BTBD1: variants seen among roughly 807,000 people sequenced by gnomAD.
The protein encoded by BTBD1 is BTB/POZ domain-containing protein 1.
Under a neutral mutation model 48.0 loss-of-function variants are expected in BTBD1, and 34 were observed. The ratio of observed to expected loss-of-function variants is 0.71; its 90% CI spans 0.54 to 0.94. The LOEUF is 0.94. Among genes scored for constraint, BTBD1 ranks in the 40% least tolerant of loss-of-function variants. The pLI, the probability that BTBD1 is intolerant of heterozygous loss-of-function variation, is 0.00. For missense variants in BTBD1, 543 were observed against 625.6 expected (o/e 0.87, Z 1.41); for synonymous variants, 261 against 242.1 (o/e 1.08, Z -0.72).
intron 5 of BTBD1, among the ~76,000 whole-genome samples, chr15:83,023,804 G>T (rs921769135): frequency 2.6e-5 from 4 of 152,090 alleles, no homozygotes; most frequent in African/African-American, 9.7e-5. Flanking sequence ...TATCAACCAG[G>T]AATATTTTTC....
At chr15:83,018,335 T>C (rs1299811419) in intron 7 of BTBD1, 110 bp from the exon 8 acceptor site, 11 of 922,578 alleles carry the variant, frequency 1.2e-5, no homozygotes, top group Non-Finnish European at 1.7e-5. Flanking sequence ...CATTCCTATA[T>C]AAAATTTTAT....
chr15:83,016,436 T>C lies in BTBD1; in HGVS notation c.*1631A>G, dbSNP rs930674413. 6.6e-6 allele frequency: 1 copy of C among 151,184 alleles called. No homozygotes were observed. The highest frequency in any genetic ancestry group is 2.4e-5 in the African/African-American group (1 of 41,272). 9.4% of individuals were successfully genotyped at this position (151,184 alleles called of 1,614,324 possible). ...GACATAAAAGAGTTTTTTTTATATA[T>C]ATATATATTTATTTATTTTTAAAAA... On this transcript the variant is annotated 3_prime_UTR_variant, in exon 8 of 8. Coordinates refer to ENST00000261721, the MANE Select transcript of BTBD1 (RefSeq NM_025238.4).
At chr15:83,055,485 T>C (rs1221478550) in intron 2 of BTBD1, among the ~76,000 whole-genome samples, 1 of 152,162 alleles carries the variant, frequency 6.6e-6, no homozygotes, top group Non-Finnish European at 1.5e-5. Flanking sequence ...CTCTAACTAT[T>C]GGCCTCAAGT....
rs1488827591 is a variant in BTBD1, at chr15:83,066,904, G to T, written c.248C>A (p.Ala83Asp). The T allele has an allele frequency of 2.0e-6, 3 of 1,518,322 alleles. No homozygotes were observed. The highest frequency in any genetic ancestry group is 2.6e-6 in the Non-Finnish European group (3 of 1,138,368). 94.1% of individuals were successfully genotyped at this position (1,518,322 alleles called of 1,614,324 possible). A position where few individuals can be genotyped will look rare whatever the true frequency, so the allele number is the denominator to read the frequency against. Residue 83 changes from alanine to aspartate, a missense_variant, in exon 1 of 8, where the codon GCC becomes GAC. By Grantham distance (126) the Ala-to-Asp change is moderately radical. Transcript: ENST00000261721. ...FVLGKGRGAA[A>D]AGGPQRIPAH... Reference sequence around the variant, plus strand: ...GGGGATGCGCTGCGGGCCCCCAGCGGCGGCGGCGCCGCGACCCTTGCCCAG... The same window carrying T: ...GGGGATGCGCTGCGGGCCCCCAGCGTCGGCGGCGCCGCGACCCTTGCCCAG...
At chr15:83,055,071 A>AT (rs2033060149) in intron 2 of BTBD1, among the ~76,000 whole-genome samples, 1 of 152,196 alleles carries the variant, frequency 6.6e-6, no homozygotes, top group African/African-American at 2.4e-5. Flanking sequence ...TCACCTTAGA[A>AT]TTTTAAAAAC....
intron 5 of BTBD1, among the ~76,000 whole-genome samples, chr15:83,025,608 C>T (rs975719983): frequency 2.0e-5 from 3 of 151,910 alleles, no homozygotes; most frequent in African/African-American, 4.8e-5. Flanking sequence ...CACAATACTA[C>T]AGTAATATTC....
intron 5 of BTBD1, among the ~76,000 whole-genome samples, chr15:83,021,125 A>C (rs904311311): frequency 6.6e-6 from 1 of 152,256 alleles, no homozygotes; most frequent in African/African-American, 2.4e-5. Flanking sequence ...TTATCAATTC[A>C]ACAAATACTT....
intron 6 of BTBD1, among the ~76,000 whole-genome samples, chr15:83,019,162 C>G (rs2032234877): frequency 6.6e-6 from 1 of 151,956 alleles, no homozygotes; most frequent in South Asian, 2.1e-4. Flanking sequence ...CAAGCTGAAG[C>G]AATTTTCGTG....
chr15:83,025,971 G>A (rs1380133342), intron 5 of BTBD1, among the ~76,000 whole-genome samples: 5 of 152,000 alleles, frequency 3.3e-5, no homozygotes, highest in South Asian at 4.1e-4. Context: ...GGGTTTCACC[G>A]TGTTAGCCAG....
intron 1 of BTBD1, among the ~76,000 whole-genome samples, chr15:83,060,887 C>T (rs1353028355): frequency 2.6e-5 from 4 of 152,150 alleles, no homozygotes; most frequent in Non-Finnish European, 5.9e-5. Flanking sequence ...GTGTAAGAAA[C>T]TTTGTATCAC....
chr15:83,018,242 G>T lies in BTBD1; in HGVS notation c.1291-17C>A, dbSNP rs1371629921. The stretch of plus-strand genomic sequence containing the variant: ...ATCTGGACCCTAAATGAGAACAAAA[G>T]GTTCCTTAGTAATTTTCATTTAATA... On this transcript the variant is annotated splice_polypyrimidine_tract_variant and intron_variant, in intron 7 of 7. Transcript: ENST00000261721. 6.5e-7 allele frequency: 1 copy of T among 1,532,230 alleles called. No homozygotes were observed. 94.9% of individuals were successfully genotyped at this position (1,532,230 alleles called of 1,614,324 possible). A position where few individuals can be genotyped will look rare whatever the true frequency, so the allele number is the denominator to read the frequency against.
At chr15:83,043,851 T>C (rs12903066) in intron 3 of BTBD1, among the ~76,000 whole-genome samples, 18,595 of 152,070 alleles carry the variant, frequency 0.12, 1,211 homozygotes, top group Middle Eastern at 0.22. Flanking sequence ...AAATTCCTAT[T>C]TGACATCCAA....
rs548136243 is a variant in BTBD1, at chr15:83,059,349, C to G, written c.402-2804G>C. Among the ~76,000 whole-genome samples the G allele has an allele frequency of 1.2e-3, 181 of 152,202 alleles. 1 individual carries two copies. Among genetic ancestry groups the G allele is most frequent in the African/African-American group, 4.2e-3 (175 of 41,534 alleles). The stretch of plus-strand genomic sequence containing the variant: ...TCACCTGAGGTCAGGAGTTCAAGAT[C>G]AGCCTGCCCAACCTGGTGAAACCCC... On this transcript the variant is annotated intron_variant, in intron 1 of 7. Coordinates refer to ENST00000261721, the MANE Select transcript of BTBD1 (RefSeq NM_025238.4).
At chr15:83,037,064 T>C (rs1220637182) in intron 4 of BTBD1, among the ~76,000 whole-genome samples, 1 of 152,086 alleles carries the variant, frequency 6.6e-6, no homozygotes, top group Non-Finnish European at 1.5e-5. Context: ...CAAACACTGA[T>C]TCTTATCAGC....
At chr15:83,033,781 A>G (rs1378624191) in intron 4 of BTBD1, among the ~76,000 whole-genome samples, 2 of 151,870 alleles carry the variant, frequency 1.3e-5, no homozygotes, top group Non-Finnish European at 2.9e-5. Context: ...GGGTTTCGCC[A>G]TTTTGCCGAG....
intron 5 of BTBD1, among the ~76,000 whole-genome samples, chr15:83,027,709 G>A (rs751453990): frequency 2.8e-4 from 43 of 152,204 alleles, no homozygotes; most frequent in Non-Finnish European, 3.2e-4. Context: ...CAGCCAGTAG[G>A]CAAGTTCAGA....
In BTBD1 at chr15:83,030,129, C is replaced by A; in HGVS notation, c.1055+7G>T. The A allele has an allele frequency of 6.2e-7, 1 of 1,613,658 alleles. No homozygotes were observed. The highest frequency in any genetic ancestry group is 8.5e-7 in the Non-Finnish European group (1 of 1,179,684). ...CTCTACCCCCGCATCCCCAATATAA[C>A]AGATACCTGATTCGATCACTCGTCC... On this transcript the variant is annotated splice_region_variant and intron_variant, in intron 5 of 7. Coordinates refer to ENST00000261721, the MANE Select transcript of BTBD1 (RefSeq NM_025238.4).
chr15:83,053,661 A>G (rs1322247067), intron 2 of BTBD1, among the ~76,000 whole-genome samples: 1 of 152,216 alleles, frequency 6.6e-6, no homozygotes, highest in Admixed American at 6.5e-5. Context: ...TATGAATATC[A>G]ACTTATTTAT....
At chr15:83,041,995 C>A in intron 3 of BTBD1, 70 bp from the exon 4 acceptor site, 2 of 1,308,708 alleles carry the variant, frequency 1.5e-6, no homozygotes, top group Non-Finnish European at 2.2e-6. Flanking sequence ...TACCAACAGA[C>A]ACACTTATAT....
Sources: allele counts gnomAD v4.1 joint callset (sites outside exome capture counted in the v4.1 genomes callset), GRCh38; gene constraint gnomAD v4.1.1; transcripts MANE v1.5; gene names NCBI Gene and HGNC (gene_info 2026-07-23, HGNC 2026-07-21).